Variants in IGSF10 observed in about 807,000 individuals in gnomAD.
IGSF10 encodes the protein calvaria mechanical force protein 608.
IGSF10 carries 126 observed loss-of-function variants against 128.2 expected under a neutral mutation model. The ratio of observed to expected loss-of-function variants is 0.98; its 90% CI spans 0.85 to 1.14. The LOEUF (loss-of-function observed/expected upper bound fraction) is 1.14. Among genes scored for constraint, IGSF10 ranks in the 50% most tolerant of loss-of-function variants. The pLI is 0.00. For missense variants in IGSF10, 3,295 were observed against 3,149.8 expected (o/e 1.05, Z -1.10); for synonymous variants, 1,185 against 1,146.2 (o/e 1.03, Z -0.68).
upstream of IGSF10, among the ~76,000 whole-genome samples, chr3:151,463,917 A>G (rs1351528892): frequency 1.3e-5 from 2 of 151,806 alleles, no homozygotes; most frequent in Non-Finnish European, 2.9e-5. Flanking sequence ...AAGTTTCACC[A>G]CTCTTTTTTC....
At position 151,445,006 on chromosome 3, in the gene IGSF10, T is replaced by TA. The variant is rs1293701428; in HGVS notation, c.4974dup (p.Thr1659TyrfsTer5). 3 of 1,614,170 alleles carry TA rather than the reference T, an allele frequency of 1.9e-6. No individual in the cohort carries two copies. In the Admixed American group the frequency reaches 5.0e-5, roughly 27 times the overall value. ...AAGGCATCTGAGTTAGCTGGAATAG[T>TA]AAAACTTGCAGCTTTTCCTCCAACT... On this transcript the variant is annotated frameshift_variant, in exon 6 of 8. Coordinates refer to ENST00000282466, the MANE Select transcript of IGSF10 (RefSeq NM_178822.5). LOFTEE classifies it high-confidence loss of function.
In IGSF10 at chr3:151,449,177, C is replaced by T. The variant is rs750526988; in HGVS notation, c.804G>A (p.Pro268=). The T allele has an allele frequency of 3.5e-5, 56 of 1,614,060 alleles. No homozygotes were observed. The highest frequency in any genetic ancestry group is 4.3e-5 in the Non-Finnish European group (51 of 1,180,034). The change falls in exon 6 of 8, where the codon CCG becomes CCA. Residue 268 remains proline, a synonymous_variant. Transcript: ENST00000282466. ...AAGCTGCAGCTGAGACCATAGCTAA[C>T]GGCTTGCCTTTAGAAGTCCTAGGGT... ...CMNPRTSKGK[P]LAMVSAAAFQ... is the part of the protein sequence containing the mutation.
At chr3:151,531,675 T>C in the IGSF10 span, among the ~76,000 whole-genome samples, 6 of 152,092 alleles carry the variant, frequency 3.9e-5, no homozygotes, top group Admixed American at 2.6e-4. Context: ...CTGGGACACA[T>C]CTAAAGCAGC....
Position 151,453,736 on chromosome 3 carries a change from C to T in IGSF10, c.363G>A (p.Gln121=), listed in dbSNP as rs1721637456. The T allele has an allele frequency of 6.3e-7, 1 of 1,588,202 alleles. No individual in the cohort carries two copies. Among genetic ancestry groups the T allele is most frequent in the African/African-American group, 1.4e-5 (1 of 73,534 alleles). ...TCCTGAGGCCATAAAAAGTATCTTTCTGAAGTTTTCGGACTTTATTATAGC... is the reference window on the plus strand; with the variant it reads ...TCCTGAGGCCATAAAAAGTATCTTTTTGAAGTTTTCGGACTTTATTATAGC... ...KMSYNKVRKL[Q]KDTFYGLRSL... Residue 121 remains glutamine (Q), a synonymous_variant, in exon 5 of 8, where the codon CAG becomes CAA. Transcript: ENST00000282466.
At chr3:151,514,860 T>TG in the IGSF10 span, among the ~76,000 whole-genome samples, 1 of 152,096 alleles carries the variant, frequency 6.6e-6, no homozygotes, top group Non-Finnish European at 1.5e-5. Flanking sequence ...AAAAAACACG[T>TG]GAAAAAATGC....
the IGSF10 span, among the ~76,000 whole-genome samples, chr3:151,480,559 G>A: frequency 8.1e-4 from 124 of 152,218 alleles, no homozygotes; most frequent in Non-Finnish European, 1.6e-3. Flanking sequence ...CATCTTATAA[G>A]CAGAGGCACA....
At chr3:151,545,241 C>A in the IGSF10 span, among the ~76,000 whole-genome samples, 2 of 152,082 alleles carry the variant, frequency 1.3e-5, no homozygotes, top group African/African-American at 2.4e-5. Flanking sequence ...AAACACCTGG[C>A]AATGCTTGGC....
At chr3:151,605,150 T>C in the IGSF10 span, among the ~76,000 whole-genome samples, 2 of 152,226 alleles carry the variant, frequency 1.3e-5, no homozygotes, top group Non-Finnish European at 2.9e-5. Flanking sequence ...AGGAAGAGTG[T>C]TACTTTATTT....
chr3:151,491,600 A>C, the IGSF10 span, among the ~76,000 whole-genome samples: 1 of 152,042 alleles, frequency 6.6e-6, no homozygotes, highest in Non-Finnish European at 1.5e-5. Flanking sequence ...AACAAACAAT[A>C]AATACATAAA....
chr3:151,482,540 G>A, the IGSF10 span, among the ~76,000 whole-genome samples: 3 of 152,150 alleles, frequency 2.0e-5, no homozygotes, highest in Admixed American at 2.0e-4. Context: ...AATAAAGACA[G>A]TCTATAGGGC....
the IGSF10 span, among the ~76,000 whole-genome samples, chr3:151,504,281 G>A: frequency 6.6e-6 from 1 of 152,136 alleles, no homozygotes; most frequent in Non-Finnish European, 1.5e-5. Flanking sequence ...GTCTTTTAAT[G>A]TCATAATTTT....
At chr3:151,458,131 ATGTGTG>A (rs142272716) in intron 3 of IGSF10, among the ~76,000 whole-genome samples, 1 of 150,552 alleles carries the variant, frequency 6.6e-6, no homozygotes, top group African/African-American at 2.4e-5. Context: ...ATATGTATGT[ATGTGTG>A]TGTGTGTGTG....
chr3:151,521,722 G>T, the IGSF10 span, among the ~76,000 whole-genome samples: 6 of 151,988 alleles, frequency 3.9e-5, no homozygotes, highest in South Asian at 1.2e-3. Flanking sequence ...GTGTTAAAAG[G>T]GAAATTCATA....
At chr3:151,542,105 C>T in the IGSF10 span, among the ~76,000 whole-genome samples, 1 of 152,074 alleles carries the variant, frequency 6.6e-6, no homozygotes, top group Admixed American at 6.6e-5. Context: ...TATCTCCAGC[C>T]CAAATGACTT....
intron 7 of IGSF10, among the ~76,000 whole-genome samples, chr3:151,442,007 G>A (rs1271161293): frequency 6.6e-6 from 1 of 152,352 alleles, no homozygotes; most frequent in African/African-American, 2.4e-5. Flanking sequence ...CTTGCAGTGA[G>A]CAGAGATCCT....
In IGSF10 at chr3:151,438,426, A is replaced by G; in HGVS notation, c.6135T>C (p.Tyr2045=). 6.2e-7 allele frequency: 1 copy of G among 1,614,136 alleles called. No homozygotes were observed. The highest frequency in any genetic ancestry group is 1.1e-5 in the South Asian group (1 of 91,084). The change falls in exon 8 of 8, where the codon TAT becomes TAC. Residue 2045 remains tyrosine, a synonymous_variant. Transcript: ENST00000282466. ...LKPAKIDHKQ[Y]FRKQVLHGKD... Reference sequence around the variant, plus strand: ...TCCCATGGAGCACTTGCTTTCTAAAATACTGCTTGTGGTCAATTTTGGCAG... The same window carrying G: ...TCCCATGGAGCACTTGCTTTCTAAAGTACTGCTTGTGGTCAATTTTGGCAG...
chr3:151,589,200 G>A, the IGSF10 span, among the ~76,000 whole-genome samples: 2 of 152,168 alleles, frequency 1.3e-5, no homozygotes, highest in African/African-American at 4.8e-5. Flanking sequence ...TTGTTAGCTT[G>A]TTAGCTTGTT....
At chr3:151,577,448 G>A in the IGSF10 span, among the ~76,000 whole-genome samples, 2 of 152,050 alleles carry the variant, frequency 1.3e-5, no homozygotes, top group Admixed American at 6.6e-5. Context: ...TGAGCTTTAT[G>A]TTGTGTCACA....
At chr3:151,470,277 G>A in the IGSF10 span, among the ~76,000 whole-genome samples, 1 of 152,122 alleles carries the variant, frequency 6.6e-6, no homozygotes, top group East Asian at 1.9e-4. Flanking sequence ...GGCTTCAGTG[G>A]AAAAACTTAA....
Sources: gnomAD v4.1 joint callset for allele counts (sites outside exome capture counted in the v4.1 genomes callset) on GRCh38, gnomAD v4.1.1 for gene constraint, MANE v1.5 for transcripts, NCBI Gene and HGNC (gene_info 2026-07-23, HGNC 2026-07-21) for gene names.